CNTLN: variants seen among roughly 807,000 people sequenced by gnomAD.
The protein encoded by CNTLN is centlein, also known as centlein, centrosomal protein.
A neutral mutation model predicts 180.0 loss-of-function variants in CNTLN; 212 were observed. The ratio of observed to expected loss-of-function variants is 1.18; its 90% CI spans 1.05 to 1.32. The LOEUF is 1.32. CNTLN is among the 40% of genes most tolerant of loss of function. The pLI is 0.00. For missense variants in CNTLN, 2,095 were observed against 1,610.9 expected (o/e 1.30, Z -5.14); for synonymous variants, 722 against 563.1 (o/e 1.28, Z -3.99).
chr9:17,158,338 T>A (rs930005214), intron 2 of CNTLN, among the ~76,000 whole-genome samples: 5 of 151,768 alleles, frequency 3.3e-5, no homozygotes, highest in African/African-American at 1.2e-4. Context: ...TTATAAGAGG[T>A]ACTATAGTTT....
chr9:17,507,694 T>A (rs747509354), downstream of CNTLN, among the ~76,000 whole-genome samples: 1 of 152,332 alleles, frequency 6.6e-6, no homozygotes, highest in East Asian at 1.9e-4. Flanking sequence ...ATCAAAAAGA[T>A]GATTTTTTAA....
At chr9:17,442,233 C>T (rs933657103) in intron 18 of CNTLN, among the ~76,000 whole-genome samples, 5 of 152,078 alleles carry the variant, frequency 3.3e-5, no homozygotes, top group African/African-American at 9.7e-5. Context: ...TTCTCAAGTG[C>T]ACATGAAATA....
At chr9:17,504,237 T>C (rs1031137573), downstream of CNTLN, among the ~76,000 whole-genome samples, 2 of 152,162 alleles carry the variant, frequency 1.3e-5, no homozygotes, top group Non-Finnish European at 2.9e-5. Flanking sequence ...ATTGTGTTTA[T>C]TATGTGATGA....
At position 17,415,578 on chromosome 9, in the gene CNTLN, T is replaced by A. The variant is rs924769389; in HGVS notation, c.2797-210T>A. Among the ~76,000 whole-genome samples, 2 of 151,916 alleles carry A rather than the reference T, an allele frequency of 1.3e-5. 1 individual carries two copies. Among genetic ancestry groups the A allele is most frequent in the African/African-American group, 4.8e-5 (2 of 41,396 alleles). On this transcript the variant is annotated intron_variant, in intron 16 of 25. Transcript: ENST00000380647. ...AGAGTTTAAAAAATATTTTTTTCAA[T>A]TTTTTTTGTAAGAGGCAGTCTTGCT...
At chr9:17,354,372 A>T (rs1183988305) in intron 12 of CNTLN, among the ~76,000 whole-genome samples, 1 of 152,184 alleles carries the variant, frequency 6.6e-6, no homozygotes, top group Non-Finnish European at 1.5e-5. Context: ...CCGGTGCGGG[A>T]TCCACTGGGT....
chr9:17,509,102 G>A, the CNTLN span, among the ~76,000 whole-genome samples: 50 of 152,326 alleles, frequency 3.3e-4, no homozygotes, highest in East Asian at 9.1e-3. Flanking sequence ...GGGCTTCTGA[G>A]CAAAGTGGCC....
At chr9:17,522,347 G>C in the CNTLN span, among the ~76,000 whole-genome samples, 1 of 152,154 alleles carries the variant, frequency 6.6e-6, no homozygotes, top group African/African-American at 2.4e-5. Context: ...AGCCCTATAA[G>C]GAAAAGGAGG....
intron 2 of CNTLN, among the ~76,000 whole-genome samples, chr9:17,195,893 T>C (rs749393858): frequency 6.6e-5 from 10 of 152,222 alleles, no homozygotes; most frequent in Non-Finnish European, 1.3e-4. Flanking sequence ...TAATTTATTA[T>C]AGCTTTACAT....
chr9:17,204,783 C>T (rs1822797193), intron 2 of CNTLN, among the ~76,000 whole-genome samples: 2 of 152,182 alleles, frequency 1.3e-5, no homozygotes, highest in Non-Finnish European at 2.9e-5. Context: ...TAAAGCTGAG[C>T]CCACAGCCGC....
chr9:17,322,117 A>G (rs1368558475), intron 8 of CNTLN, among the ~76,000 whole-genome samples: 1 of 152,118 alleles, frequency 6.6e-6, no homozygotes, highest in Non-Finnish European at 1.5e-5. Context: ...TCAGTAATTT[A>G]TATTTTTAAT....
chr9:17,269,447 G>C (rs1352835757), intron 5 of CNTLN, among the ~76,000 whole-genome samples: 2 of 151,744 alleles, frequency 1.3e-5, no homozygotes, highest in African/African-American at 4.8e-5. Context: ...CAGAAGTTTT[G>C]GTTTTGGTAT....
the CNTLN span, among the ~76,000 whole-genome samples, chr9:17,522,800 C>G: frequency 6.6e-6 from 1 of 152,154 alleles, no homozygotes; most frequent in Admixed American, 6.5e-5. Context: ...AAGCGTGTAT[C>G]CAACGCTGCC....
chr9:17,284,028 T>G (rs1828823482), intron 6 of CNTLN, among the ~76,000 whole-genome samples: 1 of 151,862 alleles, frequency 6.6e-6, no homozygotes, highest in Non-Finnish European at 1.5e-5. Flanking sequence ...TGTTTGTTTG[T>G]TTGTTTTTTT....
chr9:17,356,546 T>C (rs770019727), intron 12 of CNTLN, among the ~76,000 whole-genome samples: 6 of 152,184 alleles, frequency 3.9e-5, no homozygotes, highest in Non-Finnish European at 8.8e-5. Flanking sequence ...TGGGACCAGG[T>C]AAACCGTTAT....
intron 18 of CNTLN, among the ~76,000 whole-genome samples, chr9:17,426,167 A>G (rs1829072406): frequency 6.6e-6 from 1 of 152,192 alleles, no homozygotes; most frequent in South Asian, 2.1e-4. Context: ...AAAGCTGTCA[A>G]ACTTCTTGGA....
intron 10 of CNTLN, among the ~76,000 whole-genome samples, chr9:17,336,426 T>C (rs1283901685): frequency 6.6e-6 from 1 of 152,190 alleles, no homozygotes; most frequent in Non-Finnish European, 1.5e-5. Context: ...TCTCTATTGC[T>C]GAAGTAAGAT....
Position 17,235,691 on chromosome 9 carries a change from C to T in CNTLN, c.568C>T (p.Leu190Phe), listed in dbSNP as rs767419795. Reference sequence around the variant, plus strand: ...AGTACTGAAACAGGAAATAAATGACCTTGTAAAACGGAAAATTGCAGTAGA... The same window carrying T: ...AGTACTGAAACAGGAAATAAATGACTTTGTAAAACGGAAAATTGCAGTAGA... Reference protein sequence around the residue: ...ESVLKQEINDLVKRKIAVDEE... With the variant: ...ESVLKQEINDFVKRKIAVDEE... Residue 190 changes from leucine (L) to phenylalanine (F), a missense_variant, in exon 4 of 26, where the codon CTT (leucine) becomes TTT (phenylalanine). Physicochemically the swap from Leu to Phe is conservative, Grantham distance 22 (BLOSUM62 0). Transcript: ENST00000380647. The T allele has an allele frequency of 6.2e-7, 1 of 1,605,560 alleles. No homozygotes were observed. Among genetic ancestry groups the T allele is most frequent in the Admixed American group, 1.7e-5 (1 of 58,660 alleles).
chr9:17,241,393 C>T (rs10962931), intron 5 of CNTLN, among the ~76,000 whole-genome samples: 26,963 of 152,106 alleles, frequency 0.18, 2,642 homozygotes, highest in Middle Eastern at 0.26. Flanking sequence ...TCTGAGTTCT[C>T]TATTCTGCTC....
intron 25 of CNTLN, among the ~76,000 whole-genome samples, chr9:17,487,652 G>A (rs528304740): frequency 2.6e-5 from 4 of 152,162 alleles, no homozygotes; most frequent in Non-Finnish European, 4.4e-5. Context: ...TTTTCCTATC[G>A]ACATTTTCTG....
Sources: allele counts gnomAD v4.1 joint callset (sites outside exome capture counted in the v4.1 genomes callset), GRCh38; gene constraint gnomAD v4.1.1; transcripts MANE v1.5; gene names NCBI Gene and HGNC (gene_info 2026-07-23, HGNC 2026-07-21).